The following FER1L6 variants were observed in gnomAD, a reference collection of about 807,000 sequenced individuals.
FER1L6 encodes the protein fer-1-like protein 6.
In FER1L6, 177 loss-of-function variants were observed where a neutral mutation model predicts 219.2. The ratio of observed to expected loss-of-function variants is 0.81; its 90% confidence interval spans 0.71 to 0.91. The LOEUF is 0.91. FER1L6 is among the 40% of genes least tolerant of loss of function. The pLI is 0.00. For synonymous variants in FER1L6, 768 were observed against 824.3 expected, an observed-to-expected ratio of 0.93 and a Z score of 1.17; for missense variants, 2,153 against 2,259.9, an observed-to-expected ratio of 0.95 and a Z score of 0.96.
At chr8:123,877,513 T>TG (rs1817024250) in intron 1 of FER1L6, among the ~76,000 whole-genome samples, 1 of 151,986 alleles carries the variant, frequency 6.6e-6, no homozygotes. Flanking sequence ...TGAGATGAGG[T>TG]GGGGGACATG....
intron 1 of FER1L6, among the ~76,000 whole-genome samples, chr8:123,912,472 T>C (rs1255466280): frequency 2.0e-5 from 3 of 152,158 alleles, no homozygotes; most frequent in African/African-American, 7.2e-5. Flanking sequence ...AGGAATTTTA[T>C]AGCCTAACAT....
intron 2 of FER1L6, among the ~76,000 whole-genome samples, chr8:123,957,331 TC>T: frequency 6.6e-6 from 1 of 152,178 alleles, no homozygotes; most frequent in Non-Finnish European, 1.5e-5. Flanking sequence ...AGCTTAAAAG[TC>T]CTTGTTGATT....
rs554559024 is a variant in FER1L6 at position 123,901,672 on chromosome 8, C to T, written c.-8+49487C>T. On this transcript the variant is annotated intron_variant, in intron 1 of 40. Transcript: ENST00000522917. ...ACTTTCCTCTTAGCACCGCCTTTGC[C>T]GTATCCCAGAGGTTTTGGTAGGTTG... Among the ~76,000 whole-genome samples, 54 of 151,418 alleles carry T rather than the reference C, an allele frequency of 3.6e-4. 1 individual carries two copies. The South Asian group carries it at 0.011, about 30-fold the overall frequency.
intron 21 of FER1L6, among the ~76,000 whole-genome samples, chr8:124,048,304 C>G (rs564482618): frequency 6.6e-6 from 1 of 152,360 alleles, no homozygotes; most frequent in East Asian, 1.9e-4. Flanking sequence ...AGAGGTCCAA[C>G]AGCTTTCACT....
chr8:123,971,717 A>C (rs1200989387), intron 6 of FER1L6, among the ~76,000 whole-genome samples: 1 of 152,252 alleles, frequency 6.6e-6, no homozygotes, highest in Non-Finnish European at 1.5e-5. Flanking sequence ...CAGTATGCCC[A>C]GAATATATAC....
intron 12 of FER1L6, among the ~76,000 whole-genome samples, chr8:123,987,886 C>T (rs902711936): frequency 9.2e-5 from 14 of 151,926 alleles, no homozygotes; most frequent in Admixed American, 2.0e-4. Flanking sequence ...CTGAGGCAGG[C>T]GGATCACGAG....
chr8:123,894,764 A>G (rs1470930119), intron 1 of FER1L6, among the ~76,000 whole-genome samples: 2 of 152,172 alleles, frequency 1.3e-5, no homozygotes, highest in African/African-American at 4.8e-5. Flanking sequence ...GTACTCTGGA[A>G]GTGATGGGGA....
intron 1 of FER1L6, among the ~76,000 whole-genome samples, chr8:123,884,569 G>T (rs573707027): frequency 1.1e-4 from 16 of 152,184 alleles, no homozygotes; most frequent in Non-Finnish European, 2.4e-4. Flanking sequence ...GCTTTTCTGG[G>T]CCAGAGGATC....
At chr8:123,859,290 C>A (rs1458822076) in intron 1 of FER1L6, among the ~76,000 whole-genome samples, 2 of 152,220 alleles carry the variant, frequency 1.3e-5, no homozygotes, top group African/African-American at 4.8e-5. Flanking sequence ...CATGAGCCAC[C>A]ATGCCTAGCC....
chr8:123,973,528 C>T lies in FER1L6; in HGVS notation c.526+16C>T, dbSNP rs772915640. The T allele has an allele frequency of 1.1e-5, 18 of 1,593,152 alleles. No homozygotes were observed. The East Asian group carries it at 1.8e-4, about 16-fold the overall frequency. Reference sequence around the variant, plus strand: ...AACCAACCTGGTAAGAAAACATCACCTCCCCATCTGTATCTCACTTGTCTT... The same window carrying T: ...AACCAACCTGGTAAGAAAACATCACTTCCCCATCTGTATCTCACTTGTCTT... On this transcript the variant is annotated intron_variant, in intron 7 of 40. Transcript: ENST00000522917.
At chr8:123,966,400 G>A in intron 5 of FER1L6, 110 bp downstream of exon 5, 1 of 1,406,300 alleles carries the variant, frequency 7.1e-7, no homozygotes, top group Non-Finnish European at 9.8e-7. Context: ...TCCCTCCCTG[G>A]CCCCCAGTTA....
At chr8:123,973,344 G>C in intron 6 of FER1L6, 90 bp from the exon 7 acceptor site, 1 of 1,025,990 alleles carries the variant, frequency 9.7e-7, no homozygotes, top group Non-Finnish European at 1.5e-6. Context: ...AAACTCCACT[G>C]TGCTCCAGAC....
chr8:123,932,693 C>G (rs1475543942), intron 1 of FER1L6, among the ~76,000 whole-genome samples: 1 of 152,128 alleles, frequency 6.6e-6, no homozygotes, highest in Non-Finnish European at 1.5e-5. Context: ...CAATAGGAAC[C>G]TGGGCAACTT....
Position 124,064,578 on chromosome 8 carries a change from G to A in FER1L6, c.3555+5G>A, listed in dbSNP as rs1451947109. 6.2e-7 allele frequency: 1 copy of A among 1,609,572 alleles called. No homozygotes were observed. The highest frequency in any genetic ancestry group is 2.2e-5 in the East Asian group (1 of 44,808). On this transcript the variant is annotated splice_donor_5th_base_variant and intron_variant, in intron 26 of 40. Transcript: ENST00000522917. ...CCAAAAGATGGAAAACCTAAGGTCA[G>A]ACTAAAATCCCTCTCTATATTTACA...
intron 31 of FER1L6, among the ~76,000 whole-genome samples, chr8:124,073,099 A>AAGAT (rs1821147316): frequency 6.6e-6 from 1 of 152,148 alleles, no homozygotes; most frequent in South Asian, 2.1e-4. Context: ...ATAGTTCTCT[A>AAGAT]AGATACAGTT....
chr8:123,926,481 G>A (rs2129881760), intron 1 of FER1L6, among the ~76,000 whole-genome samples: 1 of 152,344 alleles, frequency 6.6e-6, no homozygotes, highest in South Asian at 2.1e-4. Context: ...TCGTCACCGG[G>A]AAGGCTAGAG....
rs143286528 is a variant in FER1L6 at position 123,967,281 on chromosome 8, T to C, written c.384+991T>C. 2.1e-3 allele frequency among the ~76,000 whole-genome samples: 319 copies of C among 152,284 alleles called. 2 individuals carry two copies. The highest frequency in any genetic ancestry group is 7.3e-3 in the African/African-American group (305 of 41,560). Reference sequence around the variant, plus strand: ...ACATGTACCAGAATACAAGGAAATATTGTACCCAAATGGTAGCATTCTATA... The same window carrying C: ...ACATGTACCAGAATACAAGGAAATACTGTACCCAAATGGTAGCATTCTATA... On this transcript the variant is annotated intron_variant, in intron 5 of 40. Transcript: ENST00000522917.
chr8:124,087,036 G>A (rs1445472909), intron 33 of FER1L6, among the ~76,000 whole-genome samples: 1 of 152,152 alleles, frequency 6.6e-6, no homozygotes, highest in Non-Finnish European at 1.5e-5. Context: ...ACCTTTGGGA[G>A]TTTGATTATT....
Position 123,959,115 on chromosome 8 carries a change from T to C in FER1L6, c.76+3041T>C, listed in dbSNP as rs536138726. ...CTGGTTTTTATAAGGTCACCCTGGA[T>C]GCCCATGGTGAGTAGACTGAAGAGA... On this transcript the variant is annotated intron_variant, in intron 2 of 40. Transcript: ENST00000522917. Among the ~76,000 whole-genome samples, 57 of 152,288 alleles carry C rather than the reference T, an allele frequency of 3.7e-4. 3 individuals are homozygous for C. The South Asian group carries it at 0.011, about 30-fold the overall frequency.
Sources: allele counts gnomAD v4.1 joint callset (sites outside exome capture counted in the v4.1 genomes callset), GRCh38; gene constraint gnomAD v4.1.1; transcripts MANE v1.5; gene names NCBI Gene and HGNC (gene_info 2026-07-23, HGNC 2026-07-21).